Variants in PKD1L1 observed in about 807,000 individuals in gnomAD.
The protein encoded by PKD1L1 is polycystin-1-like protein 1.
In PKD1L1, 236 loss-of-function variants were observed where a neutral mutation model predicts 323.4. That is an observed-to-expected ratio of 0.73 (90% CI 0.66 to 0.81). The LOEUF (loss-of-function observed/expected upper bound fraction) is 0.81. PKD1L1 is among the 40% of genes least tolerant of loss of function. PKD1L1 has a pLI of 0.00. For synonymous variants in PKD1L1, 1,344 were observed against 1,335.0 expected, an observed-to-expected ratio of 1.01 and a Z score of -0.15; for missense variants, 3,320 against 3,508.0, an observed-to-expected ratio of 0.95 and a Z score of 1.35.
At chr7:47,945,289 G>T (rs1788072214) in intron 1 of PKD1L1, among the ~76,000 whole-genome samples, 1 of 152,178 alleles carries the variant, frequency 6.6e-6, no homozygotes, top group Admixed American at 6.5e-5. Context: ...TGTCTATAAA[G>T]TCTAGAGGAT....
intron 8 of PKD1L1, among the ~76,000 whole-genome samples, chr7:47,909,212 G>A (rs1055416846): frequency 3.3e-5 from 5 of 152,194 alleles, no homozygotes; most frequent in African/African-American, 1.2e-4. Flanking sequence ...CTGTACATTT[G>A]ATTGTGTCAT....
intron 18 of PKD1L1, among the ~76,000 whole-genome samples, chr7:47,885,099 C>T (rs1314880844): frequency 6.6e-6 from 1 of 152,196 alleles, no homozygotes; most frequent in African/African-American, 2.4e-5. Flanking sequence ...CCTCAGCCCT[C>T]CTTTCCCAGA....
rs138847904 is a variant in PKD1L1 at position 47,815,371 on chromosome 7, G to A, written c.7052C>T (p.Pro2351Leu). Residue 2351 changes from proline (P) to leucine (L), a missense_variant, in exon 47 of 57, where the codon CCG becomes CTG. Physicochemically the swap from Pro to Leu is moderately conservative, Grantham distance 98. Coordinates refer to ENST00000289672, the MANE Select transcript of PKD1L1 (RefSeq NM_138295.5). ...SLTTLLDGLY[P>L]GGTPSARVPG... is the part of the protein sequence containing the mutation. ...CACACGGGCTGACGGGGTGCCTCCC[G>A]GGTACAGGCCATCCAGAAGTGTGGT... 1.2e-4 allele frequency: 193 copies of A among 1,614,134 alleles called. No homozygotes were observed. In the African/African-American group the frequency reaches 2.2e-3, roughly 18 times the overall value.
At chr7:47,811,559 A>T (rs1301811479) in intron 50 of PKD1L1, among the ~76,000 whole-genome samples, 1 of 152,288 alleles carries the variant, frequency 6.6e-6, no homozygotes, top group East Asian at 1.9e-4. Flanking sequence ...CCCCGTGATG[A>T]ATTTGGTACC....
At chr7:47,923,255 C>A (rs1787591395) in intron 7 of PKD1L1, among the ~76,000 whole-genome samples, 1 of 151,334 alleles carries the variant, frequency 6.6e-6, no homozygotes, top group Non-Finnish European at 1.5e-5. Context: ...TGTTTATCTG[C>A]TGACCTTCCC....
chr7:47,789,560 G>A (rs1048559211), intron 56 of PKD1L1, among the ~76,000 whole-genome samples: 1 of 152,060 alleles, frequency 6.6e-6, no homozygotes, highest in African/African-American at 2.4e-5. Flanking sequence ...CTTAGTGTGT[G>A]TGTCTGTGTG....
At chr7:47,818,176 A>G (rs2128731529) in intron 46 of PKD1L1, 1 of 1,367,318 alleles carries the variant, frequency 7.3e-7, no homozygotes, top group East Asian at 4.6e-5. Context: ...ACAGATGGAG[A>G]CAGAGATGGG....
At position 47,946,633 on chromosome 7, in the gene PKD1L1, CCA is replaced by C. The variant is rs1442411109; in HGVS notation, c.44+1762_44+1763del. On this transcript the variant is annotated intron_variant, in intron 1 of 56. Transcript: ENST00000289672. This position sits in a 1 kb window ranked among gnomAD's most constrained non-coding sequence, Gnocchi z 4.1. The stretch of plus-strand genomic sequence containing the variant: ...ACATACACCACACACTACACACAGA[CCA>C]CACACCACACCACCCACACACATGT... Among the ~76,000 whole-genome samples the C allele has an allele frequency of 6.6e-6, 1 of 151,150 alleles. No homozygotes were observed. Among genetic ancestry groups the C allele is most frequent in the African/African-American group, 2.4e-5 (1 of 41,078 alleles).
At position 47,835,196 on chromosome 7, in the gene PKD1L1, G is replaced by A; in HGVS notation, c.5991C>T (p.Leu1997=). The part of the protein sequence containing the change: ...SPTLGSFRVG[L]LCTLLASPGA... Reference sequence around the variant, plus strand: ...CTGGAGAAGCCAGGAGGGTACACAGGAGACCCACCCTGAAGGATCCAAGGG... The same window carrying A: ...CTGGAGAAGCCAGGAGGGTACACAGAAGACCCACCCTGAAGGATCCAAGGG... The change falls in exon 38 of 57, where the codon CTC becomes CTT. Residue 1997 remains leucine (L), a synonymous_variant. Coordinates refer to ENST00000289672, the MANE Select transcript of PKD1L1 (RefSeq NM_138295.5). 6.3e-7 allele frequency: 1 copy of A among 1,591,590 alleles called. No individual in the cohort carries two copies.
chr7:47,813,078 G>A (rs373901615), intron 49 of PKD1L1, 43 bp downstream of exon 49: 54 of 1,586,070 alleles, frequency 3.4e-5, no homozygotes, highest in Middle Eastern at 4.6e-4. Flanking sequence ...CTGGAGTGGC[G>A]GTGGCAGGCA....
chr7:47,904,812 C>G (rs901752692), intron 11 of PKD1L1, among the ~76,000 whole-genome samples, 195 bp from the exon 12 acceptor site: 1 of 152,042 alleles, frequency 6.6e-6, no homozygotes, highest in Admixed American at 6.6e-5. Flanking sequence ...TTGACTACCC[C>G]CCTCTTCATT....
chr7:47,861,529 T>C (rs1341312416), intron 26 of PKD1L1, among the ~76,000 whole-genome samples: 3 of 152,138 alleles, frequency 2.0e-5, no homozygotes, highest in Non-Finnish European at 4.4e-5. Context: ...TACGTTGGGT[T>C]GTGTGCACAA....
At chr7:47,867,956 T>C (rs1182914672) in intron 24 of PKD1L1, among the ~76,000 whole-genome samples, 1 of 152,218 alleles carries the variant, frequency 6.6e-6, no homozygotes, top group East Asian at 1.9e-4. Flanking sequence ...CAGAGAAATG[T>C]TGAACAATTA....
At chr7:47,881,654 A>C (rs894343011) in intron 20 of PKD1L1, among the ~76,000 whole-genome samples, 5 of 152,216 alleles carry the variant, frequency 3.3e-5, no homozygotes, top group Non-Finnish European at 5.9e-5. Flanking sequence ...GGAGCACAGA[A>C]CGTGCAGCAC....
At chr7:47,819,694 T>C in intron 46 of PKD1L1, 1 of 683,886 alleles carries the variant, frequency 1.5e-6, no homozygotes, top group Non-Finnish European at 2.2e-6. Context: ...ACACCCAGAC[T>C]CATAGCACTG....
chr7:47,786,415 G>A (rs1275855548), intron 56 of PKD1L1, among the ~76,000 whole-genome samples: 4 of 152,200 alleles, frequency 2.6e-5, no homozygotes, highest in Non-Finnish European at 5.9e-5. Context: ...AAGAGTGGCT[G>A]TGGACTGTGG....
At chr7:47,795,220 G>T in intron 55 of PKD1L1, 1 of 359,040 alleles carries the variant, frequency 2.8e-6, no homozygotes, top group Non-Finnish European at 5.5e-6. Context: ...ATATCTCCCA[G>T]AATTCCCACA....
Position 47,943,454 on chromosome 7 carries a change from G to C in PKD1L1, c.102C>G (p.Asp34Glu), listed in dbSNP as rs748879441. ...TGCACAGATGAAGACCCCAGCTCTT[G>C]TCAGTGCTCACAGACAGCTCACCAC... ...SFGGELSVST[D>E]KSWGLHLCSC... The change falls in exon 2 of 57, where the codon GAC becomes GAG. Residue 34 changes from aspartate to glutamate, a missense_variant. Physicochemically the swap from Asp to Glu is conservative, Grantham distance 45. Transcript: ENST00000289672. 6.2e-7 allele frequency: 1 copy of C among 1,613,556 alleles called. No homozygotes were observed. Among genetic ancestry groups the C allele is most frequent in the Non-Finnish European group, 8.5e-7 (1 of 1,179,692 alleles).
chr7:47,822,505 G>T (rs1246485519), intron 45 of PKD1L1, among the ~76,000 whole-genome samples: 1 of 137,922 alleles, frequency 7.3e-6, no homozygotes, highest in Non-Finnish European at 1.5e-5. Context: ...TGAGGCAGGA[G>T]AACAGCTCAA....
Sources: allele counts gnomAD v4.1 joint callset (sites outside exome capture counted in the v4.1 genomes callset), GRCh38; gene constraint gnomAD v4.1.1; non-coding constraint Gnocchi (gnomAD v3.1); transcripts MANE v1.5; gene names NCBI Gene and HGNC (gene_info 2026-07-23, HGNC 2026-07-21).